Variants in NEXN observed in about 807,000 individuals in gnomAD.
NEXN encodes the protein nexilin.
NEXN carries 65 observed loss-of-function variants against 92.6 expected under a neutral mutation model. The observed-to-expected ratio is 0.70, with a 90% CI of 0.57 to 0.86. The LOEUF is 0.86. Ranked by LOEUF, NEXN falls within the 40% of genes least tolerant of loss-of-function variation. The pLI is 0.00. For synonymous variants in NEXN, 254 were observed against 242.5 expected, an observed-to-expected ratio of 1.05 and a Z score of -0.44; for missense variants, 778 against 771.1, an observed-to-expected ratio of 1.01 and a Z score of -0.11.
At chr1:77,914,247 A>T (rs1194093370) in intron 1 of NEXN, among the ~76,000 whole-genome samples, 2 of 152,172 alleles carry the variant, frequency 1.3e-5, no homozygotes, top group Non-Finnish European at 2.9e-5. Context: ...GGTGATAATG[A>T]TGTGTCAGTA....
intron 11 of NEXN, among the ~76,000 whole-genome samples, chr1:77,940,458 A>T (rs1651168140): frequency 6.6e-6 from 1 of 152,200 alleles, no homozygotes. Context: ...ATTGTACTTG[A>T]CTGCAGAACT....
At position 77,942,098 on chromosome 1, in the gene NEXN, T is replaced by A; in HGVS notation, c.1549T>A (p.Phe517Ile). 1 of 1,613,626 alleles carries A rather than the reference T, an allele frequency of 6.2e-7. No individual in the cohort carries two copies. Among genetic ancestry groups the A allele is most frequent in the South Asian group, 1.1e-5 (1 of 91,058 alleles). ...TCACAAAGTGAATATGAAAGCTAGA[T>A]TTGAACAAATGGCTAAGGCAAGAGA... ...FTHKVNMKAR[F>I]EQMAKAREEE... Residue 517 changes from phenylalanine to isoleucine, a missense_variant, in exon 12 of 13, where the codon TTT (phenylalanine) becomes ATT (isoleucine). Physicochemically the swap from Phe to Ile is conservative, Grantham distance 21. Coordinates refer to ENST00000334785, the MANE Select transcript of NEXN (RefSeq NM_144573.4).
chr1:77,894,411 T>C (rs569745172), intron 1 of NEXN, among the ~76,000 whole-genome samples: 4 of 152,174 alleles, frequency 2.6e-5, no homozygotes, highest in Admixed American at 2.0e-4. Context: ...ATTATTATTT[T>C]TTGGACATTT....
At chr1:77,939,227 T>C (rs1463610245) in intron 11 of NEXN, among the ~76,000 whole-genome samples, 1 of 152,186 alleles carries the variant, frequency 6.6e-6, no homozygotes, top group Non-Finnish European at 1.5e-5. Flanking sequence ...GATGATGCTA[T>C]AGAGAAATCA....
chr1:77,903,922 C>T (rs1248224850), intron 1 of NEXN, among the ~76,000 whole-genome samples: 1 of 152,026 alleles, frequency 6.6e-6, no homozygotes, highest in East Asian at 1.9e-4. Flanking sequence ...GAGATCCTGT[C>T]AAGAAAGAAA....
chr1:77,922,816 CG>C, intron 5 of NEXN, among the ~76,000 whole-genome samples: 1 of 151,624 alleles, frequency 6.6e-6, no homozygotes, highest in Admixed American at 6.6e-5. Flanking sequence ...AGGACAGTCT[CG>C]ATCTCCTGAT....
At position 77,942,777 on chromosome 1, in the gene NEXN, A is replaced by G. The variant is rs370310107; in HGVS notation, c.1976A>G (p.Asn659Ser). The change falls in exon 13 of 13, where the codon AAT (asparagine) becomes AGT (serine). Residue 659 changes from asparagine to serine, a missense_variant. Asn to Ser is a conservative substitution (Grantham distance 46). Around this residue, in one of 3 missense-constraint regions of NEXN, gnomAD observed 532 missense variants for 476.7 expected, o/e 1.12. Transcript: ENST00000334785. ...GAGTATATGTGTAAAGCAGTCAACAATAAAGGATCTGCAGCTAGTACCTGT... is the reference window on the plus strand; with the variant it reads ...GAGTATATGTGTAAAGCAGTCAACAGTAAAGGATCTGCAGCTAGTACCTGT... ...GGEYMCKAVN[N>S]KGSAASTCIL... 2 of 1,613,110 alleles carry G rather than the reference A, an allele frequency of 1.2e-6. No individual in the cohort carries two copies. Among genetic ancestry groups the G allele is most frequent in the African/African-American group, 2.7e-5 (2 of 74,804 alleles).
At position 77,917,602 on chromosome 1, in the gene NEXN, T is replaced by A. The variant is rs1553236590; in HGVS notation, c.64T>A (p.Tyr22Asn). 1 of 1,613,408 alleles carries A rather than the reference T, an allele frequency of 6.2e-7. No homozygotes were observed. Among genetic ancestry groups the A allele is most frequent in the African/African-American group, 1.3e-5 (1 of 74,884 alleles). Residue 22 changes from tyrosine to asparagine, a missense_variant, in exon 3 of 13, where the codon TAT becomes AAT. Tyr to Asn is a moderately radical substitution (Grantham distance 143). Transcript: ENST00000334785. The part of the protein sequence containing the change: ...LSSSKPVPKT[Y>N]VPKLGKGDVK... ...TTCATCTAAACCTGTCCCAAAAACC[T>A]ATGTACCAAAACTTGGCAAGGGTGA...
intron 1 of NEXN, among the ~76,000 whole-genome samples, chr1:77,895,918 G>A (rs1376085848): frequency 1.3e-5 from 2 of 152,006 alleles, no homozygotes; most frequent in Non-Finnish European, 2.9e-5. Flanking sequence ...GCTCACATCT[G>A]TAATCCCAGC....
At chr1:77,937,035 C>T (rs1259794853) in intron 11 of NEXN, among the ~76,000 whole-genome samples, 1 of 152,146 alleles carries the variant, frequency 6.6e-6, no homozygotes, top group Non-Finnish European at 1.5e-5. Flanking sequence ...ATTGTCTGGG[C>T]ACAGTGGCTC....
chr1:77,924,134 C>G, intron 5 of NEXN: 1 of 169,620 alleles, frequency 5.9e-6, no homozygotes, highest in Non-Finnish European at 1.3e-5. Flanking sequence ...GGCCAAGACA[C>G]GCAGATCACT....
intron 1 of NEXN, among the ~76,000 whole-genome samples, chr1:77,910,968 G>A (rs2102071897): frequency 6.6e-6 from 1 of 151,888 alleles, no homozygotes; most frequent in African/African-American, 2.4e-5. Flanking sequence ...TTCCCAAGTG[G>A]CCAAAACTAC....
At chr1:77,912,767 T>C (rs1287540217) in intron 1 of NEXN, among the ~76,000 whole-genome samples, 1 of 152,176 alleles carries the variant, frequency 6.6e-6, no homozygotes, top group African/African-American at 2.4e-5. Flanking sequence ...AATCTAGAAA[T>C]AGACCTTACA....
chr1:77,924,705 A>C (rs1166696), intron 5 of NEXN, among the ~76,000 whole-genome samples: 122,271 of 151,600 alleles, frequency 0.81, 49,511 homozygotes, highest in Middle Eastern at 0.87. Flanking sequence ...TGTCACTCAC[A>C]CTGGAGTGCA....
At chr1:77,892,208 A>G (rs922168538) in intron 1 of NEXN, among the ~76,000 whole-genome samples, 2 of 152,200 alleles carry the variant, frequency 1.3e-5, no homozygotes, top group Non-Finnish European at 2.9e-5. Flanking sequence ...TCACTTTTTT[A>G]AAGAAATTAT....
chr1:77,941,434 C>T (rs1246070307), intron 11 of NEXN, among the ~76,000 whole-genome samples: 1 of 152,090 alleles, frequency 6.6e-6, no homozygotes, highest in Non-Finnish European at 1.5e-5. Flanking sequence ...CCAATTCACC[C>T]CTCAGATGAC....
rs1651469227 is a variant in NEXN, at chr1:77,942,597, T to G, written c.1796T>G (p.Val599Gly). The G allele has an allele frequency of 5.6e-6, 9 of 1,613,866 alleles. No homozygotes were observed. The highest frequency in any genetic ancestry group is 7.6e-6 in the Non-Finnish European group (9 of 1,179,812). The change falls in exon 13 of 13, where the codon GTC (valine) becomes GGC (glycine). Residue 599 changes from valine (V) to glycine (G), a missense_variant. By Grantham distance (109) the Val-to-Gly change is moderately radical (BLOSUM62 -3). Transcript: ENST00000334785. ...ACATCAGTTGTAGACAGTGAGCCAG[T>G]CAGATTTACGGTTAAAGTAACAGGA... ...KNTSVVDSEP[V>G]RFTVKVTGEP... is the part of the protein sequence containing the mutation.
intron 1 of NEXN, among the ~76,000 whole-genome samples, chr1:77,900,312 C>T (rs113181634): frequency 2.6e-5 from 4 of 152,308 alleles, no homozygotes; most frequent in African/African-American, 9.6e-5. Context: ...GTGAAACCTT[C>T]TTTAACCCAG....
Position 77,895,029 on chromosome 1 carries a change from A to ATTTTTT in NEXN, c.-53+6298_-53+6303dup, listed in dbSNP as rs559226754. 1.1e-3 allele frequency among the ~76,000 whole-genome samples: 70 copies of ATTTTTT among 61,658 alleles called. 2 individuals carry two copies. Among genetic ancestry groups the ATTTTTT allele is most frequent in the African/African-American group, 1.8e-3 (27 of 14,650 alleles). The allele number at this position is 61,658 out of a possible 152,430, so 40.5% of individuals were successfully genotyped here. A position where few individuals can be genotyped will look rare whatever the true frequency, so the allele number is the denominator to read the frequency against. ...CCATCCATGGCCAGCCTATAGTGTA[A>ATTTTTT]TTTTTTTTTTTTTTTTTTTTTTTTT... On this transcript the variant is annotated intron_variant, in intron 1 of 12. Transcript: ENST00000334785.
Sources: allele counts gnomAD v4.1 joint callset (sites outside exome capture counted in the v4.1 genomes callset), GRCh38; gene constraint gnomAD v4.1.1; regional missense constraint gnomAD v4.1.1; transcripts MANE v1.5; gene names NCBI Gene and HGNC (gene_info 2026-07-23, HGNC 2026-07-21).